The following SEL1L variants were observed in gnomAD, a reference collection of about 807,000 sequenced individuals.
SEL1L encodes the protein SEL1L adaptor subunit of SYVN1 ubiquitin ligase, also known as protein sel-1 homolog 1.
Under a neutral mutation model 109.8 loss-of-function variants are expected in SEL1L, and 52 were observed. That is an observed-to-expected ratio of 0.47 (90% CI 0.38 to 0.60). The LOEUF is 0.60. SEL1L is among the 20% of genes least tolerant of loss of function. The probability of loss-of-function intolerance (pLI) is 0.00; values close to 1 mark genes in which losing one functional copy is unlikely to be tolerated. For synonymous variants in SEL1L, 373 were observed against 339.6 expected (o/e 1.10, Z -1.08); for missense variants, 749 against 962.2 (o/e 0.78, Z 2.93).
chr14:81,516,995 A>G (rs1773194309), intron 3 of SEL1L, among the ~76,000 whole-genome samples: 1 of 152,144 alleles, frequency 6.6e-6, no homozygotes, highest in African/African-American at 2.4e-5. Flanking sequence ...AAACCTGGGG[A>G]TGGTTTAGGG....
chr14:81,522,101 T>G (rs1220039298), intron 3 of SEL1L, among the ~76,000 whole-genome samples: 1 of 151,954 alleles, frequency 6.6e-6, no homozygotes, highest in Non-Finnish European at 1.5e-5. Flanking sequence ...CTCTACAATG[T>G]GTTTGTATTT....
At chr14:81,491,096 C>A (rs1215681451) in intron 12 of SEL1L, among the ~76,000 whole-genome samples, 1 of 152,104 alleles carries the variant, frequency 6.6e-6, no homozygotes, top group Non-Finnish European at 1.5e-5. Context: ...TCACTCTATT[C>A]CAGGGAAGTC....
intron 1 of SEL1L, among the ~76,000 whole-genome samples, chr14:81,528,326 G>C (rs1403531945): frequency 6.6e-6 from 1 of 152,116 alleles, no homozygotes. Flanking sequence ...AAAGCAGCAT[G>C]GTCCTATCAT....
chr14:81,524,540 A>C (rs1885040785), intron 3 of SEL1L, among the ~76,000 whole-genome samples: 1 of 152,220 alleles, frequency 6.6e-6, no homozygotes, highest in Non-Finnish European at 1.5e-5. Flanking sequence ...AGCACAAAGG[A>C]TACTGCATAT....
At chr14:81,515,589 G>A (rs1358090643) in intron 3 of SEL1L, among the ~76,000 whole-genome samples, 1 of 152,076 alleles carries the variant, frequency 6.6e-6, no homozygotes, top group African/African-American at 2.4e-5. Context: ...TGTTCTAGAA[G>A]GACTAAGGAA....
intron 3 of SEL1L, among the ~76,000 whole-genome samples, chr14:81,515,275 A>C (rs1884655917): frequency 6.6e-6 from 1 of 152,214 alleles, no homozygotes; most frequent in Admixed American, 6.5e-5. Context: ...GACCTGGGGA[A>C]GCTTTCAGAT....
chr14:81,487,338 TC>T, intron 16 of SEL1L, 51 bp downstream of exon 16: 3 of 1,504,544 alleles, frequency 2.0e-6, no homozygotes, highest in Non-Finnish European at 2.7e-6. Flanking sequence ...GCGCAGACTT[TC>T]CTGCTGGGCA....
rs775773410 is a variant in SEL1L at position 81,489,335 on chromosome 14, A to G, written c.1333-21T>C. 1.4e-4 allele frequency: 227 copies of G among 1,604,146 alleles called. 1 individual carries two copies. The highest frequency in any genetic ancestry group is 1.9e-4 in the Non-Finnish European group (220 of 1,172,602). The stretch of plus-strand genomic sequence containing the variant: ...TTGCCCTGCAAAGCAGAGAAATCAG[A>G]CAAAAGAGTGAAAAGAATTCATTCA... On this transcript the variant is annotated intron_variant, in intron 13 of 20. Transcript: ENST00000336735.
chr14:81,525,818 G>A (rs573137629), intron 3 of SEL1L, among the ~76,000 whole-genome samples: 2 of 152,222 alleles, frequency 1.3e-5, no homozygotes, highest in South Asian at 4.1e-4. Context: ...ACTGTTAAGT[G>A]CAAAATGCAG....
At chr14:81,511,141 A>C (rs935135968) in intron 3 of SEL1L, among the ~76,000 whole-genome samples, 1 of 152,224 alleles carries the variant, frequency 6.6e-6, no homozygotes, top group African/African-American at 2.4e-5. Context: ...AGGTCTAGAA[A>C]CTATCTTTGT....
rs145096070 is a variant in SEL1L, at chr14:81,506,178, T to C, written c.404A>G (p.Asp135Gly). Residue 135 changes from aspartate (D) to glycine (G), a missense_variant, in exon 4 of 21, where the codon GAT (aspartate) becomes GGT (glycine). By Grantham distance (94) the Asp-to-Gly change is moderately conservative. Around this residue, in one of 2 missense-constraint regions of SEL1L, gnomAD observed 366 missense variants for 399.8 expected, o/e 0.92. Coordinates refer to ENST00000336735, the MANE Select transcript of SEL1L (RefSeq NM_005065.6). ...TGATGTACATTCATCATACTCCTTATCTAGGAAAAGAAAAGGGAAGTGGCA... is the reference window on the plus strand; with the variant it reads ...TGATGTACATTCATCATACTCCTTACCTAGGAAAAGAAAAGGGAAGTGGCA... Reference protein sequence around the residue: ...EPCHFPFLFLDKEYDECTSDG... With the variant: ...EPCHFPFLFLGKEYDECTSDG... 2.5e-6 allele frequency: 4 copies of C among 1,613,780 alleles called. No homozygotes were observed. Among genetic ancestry groups the C allele is most frequent in the Non-Finnish European group, 3.4e-6 (4 of 1,179,854 alleles).
intron 3 of SEL1L, among the ~76,000 whole-genome samples, chr14:81,523,385 T>C (rs1043840578): frequency 2.0e-5 from 3 of 152,176 alleles, no homozygotes; most frequent in Non-Finnish European, 2.9e-5. Context: ...TGGAGATTCC[T>C]GGAAGGTGGG....
At chr14:81,493,471 C>T (rs770357955) in intron 11 of SEL1L, among the ~76,000 whole-genome samples, 8 of 152,074 alleles carry the variant, frequency 5.3e-5, no homozygotes, top group Non-Finnish European at 1.0e-4. Context: ...GACTGCGCCA[C>T]TGCACTCCAG....
At chr14:81,494,899 A>G (rs929500475) in intron 11 of SEL1L, among the ~76,000 whole-genome samples, 182 bp downstream of exon 11, 7 of 152,240 alleles carry the variant, frequency 4.6e-5, no homozygotes, top group African/African-American at 1.7e-4. Context: ...AATGGCACAT[A>G]GTAGGTACTA....
rs1389549922 is a variant in SEL1L at position 81,479,666 on chromosome 14, T to C, written c.2121A>G (p.Leu707=). The part of the protein sequence containing the change: ...ASPDAQVPVF[L]ALCKLGVVYF... ...AGACGACGCCCAATTTGCAGAGGGC[T>C]AGGAAGACTGGAACTTGTGCATCTG... is the stretch of plus-strand genomic sequence containing the variant. The change falls in exon 20 of 21, where the codon CTA becomes CTG. Residue 707 remains leucine (L), a synonymous_variant. Transcript: ENST00000336735. 6.2e-7 allele frequency: 1 copy of C among 1,614,166 alleles called. No homozygotes were observed. The highest frequency in any genetic ancestry group is 2.2e-5 in the East Asian group (1 of 44,888).
intron 19 of SEL1L, 119 bp from the exon 20 acceptor site, chr14:81,479,859 T>C: frequency 1.1e-6 from 1 of 940,034 alleles, no homozygotes; most frequent in Non-Finnish European, 1.5e-6. Context: ...TGAGTTTCCC[T>C]CACCTAAACA....
intron 18 of SEL1L, 153 bp from the exon 19 acceptor site, chr14:81,484,550 T>TA: frequency 1.5e-6 from 1 of 678,638 alleles, no homozygotes; most frequent in Non-Finnish European, 2.3e-6. Flanking sequence ...AGCCAAGTTA[T>TA]AAAGTCCAGT....
chr14:81,486,030 T>A (rs1413418165), intron 17 of SEL1L, among the ~76,000 whole-genome samples: 12 of 152,200 alleles, frequency 7.9e-5, no homozygotes, highest in African/African-American at 2.9e-4. Context: ...CATTTTTGTA[T>A]CCACTGTATT....
intron 3 of SEL1L, among the ~76,000 whole-genome samples, chr14:81,516,432 T>C (rs988540009): frequency 2.0e-5 from 3 of 152,164 alleles, no homozygotes; most frequent in African/African-American, 7.2e-5. Context: ...TGCCTGGAAG[T>C]CCCAGGACCC....
Sources: allele counts gnomAD v4.1 joint callset (sites outside exome capture counted in the v4.1 genomes callset), GRCh38; gene constraint gnomAD v4.1.1; regional missense constraint gnomAD v4.1.1; transcripts MANE v1.5; gene names NCBI Gene and HGNC (gene_info 2026-07-23, HGNC 2026-07-21).